Variants in BAZ2B observed in about 807,000 individuals in gnomAD.
BAZ2B encodes bromodomain adjacent to zinc finger domain protein 2B.
Under a neutral mutation model 246.0 loss-of-function variants are expected in BAZ2B, and 91 were observed. That is an observed-to-expected ratio of 0.37 (90% confidence interval 0.31 to 0.44). BAZ2B has a LOEUF of 0.44. Ranked by LOEUF, BAZ2B falls within the 20% of genes least tolerant of loss-of-function variation. The pLI is 1.00. For missense variants in BAZ2B, 2,332 were observed against 2,533.7 expected (o/e 0.92, Z 1.71); for synonymous variants, 855 against 860.0 (o/e 0.99, Z 0.10).
At chr2:159,649,481 C>T in the BAZ2B span, among the ~76,000 whole-genome samples, 1 of 152,082 alleles carries the variant, frequency 6.6e-6, no homozygotes, top group Non-Finnish European at 1.5e-5. Context: ...GCTGTAAATA[C>T]AGATGAAGCT....
At chr2:159,368,373 A>G (rs1274511556) in intron 27 of BAZ2B, among the ~76,000 whole-genome samples, 1 of 152,162 alleles carries the variant, frequency 6.6e-6, no homozygotes, top group Non-Finnish European at 1.5e-5. Context: ...TCTCCACAGC[A>G]CTTAGTACAA....
intron 3 of BAZ2B, among the ~76,000 whole-genome samples, chr2:159,475,592 T>C (rs2078425945): frequency 6.6e-6 from 1 of 152,204 alleles, no homozygotes; most frequent in Non-Finnish European, 1.5e-5. Flanking sequence ...TTTTGTTATC[T>C]TGCTGGATAG....
At chr2:159,348,500 T>C (rs1458734870) in intron 30 of BAZ2B, among the ~76,000 whole-genome samples, 178 bp downstream of exon 30, 1 of 152,136 alleles carries the variant, frequency 6.6e-6, no homozygotes, top group African/African-American at 2.4e-5. Context: ...AAAGCCTGTA[T>C]ATGTTCAGTA....
chr2:159,479,766 T>C (rs929209948), intron 2 of BAZ2B, among the ~76,000 whole-genome samples: 1 of 152,160 alleles, frequency 6.6e-6, no homozygotes, highest in Non-Finnish European at 1.5e-5. Context: ...ATTTTTCTCA[T>C]AAGATAAGAT....
At chr2:159,424,738 A>G (rs2069462619) in intron 13 of BAZ2B, among the ~76,000 whole-genome samples, 1 of 152,240 alleles carries the variant, frequency 6.6e-6, no homozygotes, top group Non-Finnish European at 1.5e-5. Context: ...GAATAAAAAT[A>G]ACACAGTATT....
chr2:159,624,097 A>G, the BAZ2B span, among the ~76,000 whole-genome samples: 1 of 152,300 alleles, frequency 6.6e-6, no homozygotes, highest in Non-Finnish European at 1.5e-5. Flanking sequence ...AACCGGGTGG[A>G]GCCCACCACA....
At chr2:159,414,482 T>C (rs1232742088) in intron 13 of BAZ2B, among the ~76,000 whole-genome samples, 2 of 152,190 alleles carry the variant, frequency 1.3e-5, no homozygotes, top group Non-Finnish European at 2.9e-5. Context: ...AATACCCCAT[T>C]TACTCTGATG....
intron 2 of BAZ2B, among the ~76,000 whole-genome samples, chr2:159,499,844 C>A (rs760206826): frequency 6.6e-5 from 10 of 152,090 alleles, no homozygotes; most frequent in Non-Finnish European, 8.8e-5. Flanking sequence ...CTGTTCATGT[C>A]CTTTGCCCAC....
chr2:159,646,043 C>T, the BAZ2B span, among the ~76,000 whole-genome samples: 1 of 152,202 alleles, frequency 6.6e-6, no homozygotes, highest in Non-Finnish European at 1.5e-5. Context: ...ACGGGTCTGA[C>T]CAAAATTTAT....
intron 1 of BAZ2B, among the ~76,000 whole-genome samples, chr2:159,589,770 C>G (rs1455649043): frequency 6.6e-6 from 1 of 152,070 alleles, no homozygotes; most frequent in Non-Finnish European, 1.5e-5. Flanking sequence ...GATCCATGCT[C>G]CAAAACATTT....
the BAZ2B span, among the ~76,000 whole-genome samples, chr2:159,653,087 G>A: frequency 8.6e-5 from 13 of 151,882 alleles, no homozygotes; most frequent in Non-Finnish European, 8.8e-5. Context: ...ACAGGCGCAC[G>A]CCACCATACT....
chr2:159,529,964 C>T (rs2085201918), intron 2 of BAZ2B, among the ~76,000 whole-genome samples: 1 of 152,058 alleles, frequency 6.6e-6, no homozygotes, highest in Admixed American at 6.6e-5. Context: ...TGAAAGATCT[C>T]ACCAGTTTTA....
At chr2:159,626,413 C>T in the BAZ2B span, among the ~76,000 whole-genome samples, 1 of 152,008 alleles carries the variant, frequency 6.6e-6, no homozygotes. Flanking sequence ...TAAAATTGAC[C>T]ACATAAGACG....
At chr2:159,338,500 G>T (rs926494867) in intron 31 of BAZ2B, among the ~76,000 whole-genome samples, 2 of 152,148 alleles carry the variant, frequency 1.3e-5, no homozygotes, top group African/African-American at 4.8e-5. Flanking sequence ...CTCCAGTACA[G>T]TGCAGGCAAA....
intron 16 of BAZ2B, 105 bp from the exon 17 acceptor site, chr2:159,400,769 A>C (rs74538917): frequency 6.2e-6 from 4 of 643,436 alleles, no homozygotes; most frequent in Non-Finnish European, 1.1e-5. Context: ...GGTCAGGCGC[A>C]GTGGCTCACA....
intron 3 of BAZ2B, among the ~76,000 whole-genome samples, chr2:159,476,149 A>C (rs997923186): frequency 6.6e-6 from 1 of 152,108 alleles, no homozygotes; most frequent in Non-Finnish European, 1.5e-5. Flanking sequence ...ACAGCCGCAC[A>C]TTCCCCCAGG....
At chr2:159,496,649 A>G (rs2081187590) in intron 2 of BAZ2B, among the ~76,000 whole-genome samples, 1 of 151,190 alleles carries the variant, frequency 6.6e-6, no homozygotes, top group Non-Finnish European at 1.5e-5. Context: ...GGGCATGGTG[A>G]GGCATGACTG....
chr2:159,694,948 A>C, the BAZ2B span: 1 of 152,326 alleles, frequency 6.6e-6, no homozygotes, highest in African/African-American at 2.4e-5. Flanking sequence ...CAATATATGC[A>C]GGTACCAACT....
chr2:159,365,250 G>C (rs1399572053), intron 27 of BAZ2B, among the ~76,000 whole-genome samples: 2 of 152,196 alleles, frequency 1.3e-5, no homozygotes, highest in South Asian at 2.1e-4. Context: ...GGGCAGTATA[G>C]AATGCTGGAA....
Sources: allele counts gnomAD v4.1 joint callset (sites outside exome capture counted in the v4.1 genomes callset), GRCh38; gene constraint gnomAD v4.1.1; transcripts MANE v1.5; gene names NCBI Gene and HGNC (gene_info 2026-07-23, HGNC 2026-07-21).